MPP1: variants seen among roughly 807,000 people sequenced by gnomAD.
The protein encoded by MPP1 is MAGUK p55 scaffold protein 1.
In MPP1, 6 loss-of-function variants were observed where a neutral mutation model predicts 38.2. That is an observed-to-expected ratio of 0.16 (90% CI 0.09 to 0.31). MPP1 has a LOEUF of 0.31. MPP1 is among the 10% of genes least tolerant of loss of function. The pLI is 1.00. For synonymous variants in MPP1, 153 were observed against 146.3 expected, an observed-to-expected ratio of 1.05 and a Z score of -0.33; for missense variants, 293 against 368.9, an observed-to-expected ratio of 0.79 and a Z score of 1.69.
chrX:154,801,761 A>AAG (rs2072264865), intron 1 of MPP1, among the ~76,000 whole-genome samples: 2 of 68,135 alleles, frequency 2.9e-5, no homozygotes, highest in Non-Finnish European at 5.5e-5. Context: ...TCTGTCTCAA[A>AAG]AAAAAAAAAA....
At chrX:154,801,781 A>AAAAC (rs2072267804) in intron 1 of MPP1, among the ~76,000 whole-genome samples, 1 of 86,956 alleles carries the variant, frequency 1.2e-5, no homozygotes, top group Admixed American at 1.2e-4. Flanking sequence ...AAAAAAAAAA[A>AAAAC]AAAAACAAAA....
chrX:154,795,303 A>T (rs1161704662), intron 1 of MPP1, among the ~76,000 whole-genome samples: 6 of 111,816 alleles, frequency 5.4e-5, no homozygotes, highest in African/African-American at 2.0e-4. Flanking sequence ...GCTTATATTT[A>T]AAAAATTGAC....
At chrX:154,796,858 T>C (rs1457548584) in intron 1 of MPP1, among the ~76,000 whole-genome samples, 3 of 110,949 alleles carry the variant, frequency 2.7e-5, no homozygotes, top group Non-Finnish European at 5.7e-5. Flanking sequence ...TCTGCATTGG[T>C]TGGACAATAA....
At chrX:154,794,624 G>C (rs1427492760) in intron 1 of MPP1, among the ~76,000 whole-genome samples, 3 of 111,599 alleles carry the variant, frequency 2.7e-5, no homozygotes. Flanking sequence ...TGAGGAGTGT[G>C]CCATTCACTG....
intron 1 of MPP1, among the ~76,000 whole-genome samples, chrX:154,803,261 C>T (rs917936365): frequency 7.1e-5 from 8 of 112,825 alleles, no homozygotes; most frequent in Non-Finnish European, 1.3e-4. Flanking sequence ...TCAAGCCACA[C>T]TTCATCGTGT....
intron 6 of MPP1, among the ~76,000 whole-genome samples, chrX:154,785,692 G>A (rs1272851527): frequency 8.9e-6 from 1 of 112,434 alleles, no homozygotes; most frequent in Admixed American, 9.4e-5. Flanking sequence ...AGTGTTGGAT[G>A]TCTTATCAGT....
At chrX:154,780,036 A>G (rs2071973010) in intron 11 of MPP1, among the ~76,000 whole-genome samples, 1 of 112,652 alleles carries the variant, frequency 8.9e-6, no homozygotes, top group African/African-American at 3.2e-5. Context: ...GGTGACTTCT[A>G]ATCCCAGATC....
chrX:154,799,426 T>G (rs2072237079), intron 1 of MPP1, among the ~76,000 whole-genome samples: 1 of 112,400 alleles, frequency 8.9e-6, no homozygotes, highest in Admixed American at 9.4e-5. Context: ...GACCTCATCT[T>G]ACAGAACTCC....
chrX:154,804,575 C>T (rs1349105141), intron 1 of MPP1: 4 of 289,380 alleles, frequency 1.4e-5, no homozygotes, highest in African/African-American at 1.1e-4. Context: ...CCTGACAGAC[C>T]CTGAGTGACG....
chrX:154,789,023 T>C (rs139386672), intron 5 of MPP1, among the ~76,000 whole-genome samples: 1,285 of 111,867 alleles, frequency 0.011, 23 homozygotes, highest in African/African-American at 0.038. Context: ...ATGGTGGGCC[T>C]TGAGGAAACA....
At chrX:154,779,382 A>C in intron 11 of MPP1, 29 bp from the exon 12 acceptor site, 1 of 1,182,608 alleles carries the variant, frequency 8.5e-7, no homozygotes, top group South Asian at 1.9e-5. Context: ...CAGATGAAGC[A>C]AGCTGCACCA....
chrX:154,801,816 T>TGGAAGTGAA (rs1166284730), intron 1 of MPP1, among the ~76,000 whole-genome samples: 1 of 95,410 alleles, frequency 1.0e-5, no homozygotes, highest in Non-Finnish European at 2.1e-5. Flanking sequence ...ATGAAGTTCC[T>TGGAAGTGAA]GGAAGTGAAG....
At chrX:154,783,355 C>A in intron 9 of MPP1, 72 bp downstream of exon 9, 1 of 553,441 alleles carries the variant, frequency 1.8e-6, no homozygotes, top group Non-Finnish European at 2.7e-6. Flanking sequence ...AATAAAATAA[C>A]ACTATGGTAT....
At chrX:154,797,788 A>G (rs782103584) in intron 1 of MPP1, among the ~76,000 whole-genome samples, 2 of 111,965 alleles carry the variant, frequency 1.8e-5, no homozygotes, top group African/African-American at 3.2e-5. Context: ...AAAATGAAAA[A>G]CTCTTGTTCT....
rs782295274 is a variant in MPP1 at position 154,792,311 on chromosome X, C to T, written c.103-26G>A. ...CTGCCAAGCCAAAACAACAAAGCAA[C>T]GTATGAAATCAGGAGCAAGGCCCAC... On this transcript the variant is annotated intron_variant, in intron 1 of 11. Transcript: ENST00000369534. 2.3e-5 allele frequency: 27 copies of T among 1,186,071 alleles called. No homozygotes were observed. In the East Asian group the frequency reaches 7.5e-4, roughly 33 times the overall value.
chrX:154,799,787 T>C (rs1557268476), intron 1 of MPP1: 1 of 1,165,551 alleles, frequency 8.6e-7, no homozygotes, highest in Non-Finnish European at 1.1e-6. Context: ...CCTCTGGCCT[T>C]TAATCAGACA....
In MPP1 at chrX:154,783,218, C is replaced by A. The variant is rs1365826760; in HGVS notation, c.946+209G>T. On this transcript the variant is annotated intron_variant, in intron 9 of 11. Transcript: ENST00000369534. The stretch of plus-strand genomic sequence containing the variant: ...TTTACTATAGCTTCTGTTATGTAGA[C>A]AAACAGCACGAATAACAATAAGAAA... 3 of 218,294 alleles carry A rather than the reference C, an allele frequency of 1.4e-5. No individual in the cohort carries two copies. The East Asian group carries it at 2.3e-4, about 17-fold the overall frequency. The allele number at this position is 218,294 out of a possible 1,213,427, so 18.0% of individuals were successfully genotyped here.
intron 9 of MPP1, 159 bp from the exon 10 acceptor site, chrX:154,781,961 G>T: frequency 2.2e-6 from 1 of 455,593 alleles, no homozygotes; most frequent in Non-Finnish European, 3.7e-6. Flanking sequence ...ATGCTAGAAA[G>T]TGATGCACAC....
intron 1 of MPP1, among the ~76,000 whole-genome samples, chrX:154,800,497 A>G (rs2072250315): frequency 9.0e-6 from 1 of 111,416 alleles, no homozygotes; most frequent in African/African-American, 3.3e-5. Flanking sequence ...TCCACTGGGG[A>G]AAAAAAACAA....
Sources: allele counts gnomAD v4.1 joint callset (sites outside exome capture counted in the v4.1 genomes callset), GRCh38; gene constraint gnomAD v4.1.1; transcripts MANE v1.5; gene names NCBI Gene and HGNC (gene_info 2026-07-23, HGNC 2026-07-21).